Variants in CLDN14 observed in about 807,000 individuals in gnomAD.
CLDN14 encodes the protein claudin 14.
In CLDN14, 2 loss-of-function variants were observed where a neutral mutation model predicts 2.1. The observed-to-expected ratio is 0.96, with a 90% confidence interval of 0.39 to 3.01. The LOEUF (loss-of-function observed/expected upper bound fraction) is 3.01. CLDN14 is among the 30% of genes most tolerant of loss of function. The pLI, the probability that CLDN14 is intolerant of heterozygous loss-of-function variation, is 0.09. For synonymous variants in CLDN14, 136 were observed against 154.4 expected (o/e 0.88, Z 0.88); for missense variants, 298 against 328.0 (o/e 0.91, Z 0.71).
chr21:36,465,609 C>T (rs1425705216), intron 1 of CLDN14, among the ~76,000 whole-genome samples: 1 of 152,210 alleles, frequency 6.6e-6, no homozygotes, highest in African/African-American at 2.4e-5. Flanking sequence ...CTGGAAGCCA[C>T]ATAAAATTCC....
chr21:36,534,385 A>G (rs1329012157), intron 1 of CLDN14, among the ~76,000 whole-genome samples: 1 of 152,246 alleles, frequency 6.6e-6, no homozygotes, highest in African/African-American at 2.4e-5. Flanking sequence ...ATGGAAGCCC[A>G]GGACGATCCC....
chr21:36,540,549 G>A (rs932460392), intron 1 of CLDN14, among the ~76,000 whole-genome samples: 1 of 152,120 alleles, frequency 6.6e-6, no homozygotes, highest in Non-Finnish European at 1.5e-5. Context: ...TTGAACGCTG[G>A]GCAGCATGGC....
intron 2 of CLDN14, chr21:36,486,198 C>T (rs1362577928): frequency 2.0e-6 from 2 of 994,746 alleles, no homozygotes; most frequent in African/African-American, 1.6e-5. Context: ...GCATCAATGT[C>T]TACTGATTCC....
In CLDN14 at chr21:36,544,229, C is replaced by T. The variant is rs1194083765; in HGVS notation, c.-220+32182G>A. Among the ~76,000 whole-genome samples, 1 of 152,238 alleles carries T rather than the reference C, an allele frequency of 6.6e-6. No homozygotes were observed. Among genetic ancestry groups the T allele is most frequent in the East Asian group, 1.9e-4 (1 of 5,198 alleles). The stretch of plus-strand genomic sequence containing the variant: ...GGCAGGTCCTTGCCCTGGGCCCCCT[C>T]TGCTGCCATCCATCCCTCTCCCTGA... On this transcript the variant is annotated intron_variant, in intron 1 of 2. Transcript: ENST00000342108. The surrounding 1 kb of genome is among the most constrained non-coding windows in gnomAD (Gnocchi z 4.1).
At chr21:36,524,347 C>G (rs2087306202) in intron 1 of CLDN14, among the ~76,000 whole-genome samples, 1 of 152,168 alleles carries the variant, frequency 6.6e-6, no homozygotes, top group African/African-American at 2.4e-5. Context: ...GTCACAAACT[C>G]CAGGGCTCAA....
At position 36,513,122 on chromosome 21, in the gene CLDN14, T is replaced by C. The variant is rs1365079407; in HGVS notation, c.-219-2622A>G. 2.0e-5 allele frequency among the ~76,000 whole-genome samples: 3 copies of C among 152,202 alleles called. 1 individual carries two copies. Among genetic ancestry groups the C allele is most frequent in the South Asian group, 4.1e-4 (2 of 4,828 alleles). On this transcript the variant is annotated intron_variant, in intron 1 of 2. Transcript: ENST00000342108. ...AGATATCTGGAAAAACATAAAATCATGGTGGTCCCATCCCATCCCATCCCT... is the reference window on the plus strand; with the variant it reads ...AGATATCTGGAAAAACATAAAATCACGGTGGTCCCATCCCATCCCATCCCT...
At chr21:36,505,585 A>G (rs1007289698) in intron 2 of CLDN14, among the ~76,000 whole-genome samples, 2 of 152,210 alleles carry the variant, frequency 1.3e-5, no homozygotes, top group Non-Finnish European at 2.9e-5. Context: ...AGCTCACCAG[A>G]ACCTAACATT....
intron 1 of CLDN14, among the ~76,000 whole-genome samples, chr21:36,554,302 A>G (rs1012823922): frequency 6.6e-6 from 1 of 152,122 alleles, no homozygotes; most frequent in African/African-American, 2.4e-5. Context: ...TCATTCCTTC[A>G]AGGAACTTTG....
intron 1 of CLDN14, among the ~76,000 whole-genome samples, chr21:36,561,488 A>G (rs1053228933): frequency 6.6e-6 from 1 of 151,958 alleles, no homozygotes; most frequent in Non-Finnish European, 1.5e-5. Flanking sequence ...GGTTCCCGCC[A>G]TAGTGGGCCA....
intron 1 of CLDN14, among the ~76,000 whole-genome samples, chr21:36,539,808 G>C (rs545786591): frequency 1.9e-4 from 29 of 150,578 alleles, no homozygotes; most frequent in Non-Finnish European, 3.7e-4. Context: ...GTCTGCAGAT[G>C]AGTGTGTGCG....
rs910247459 is a variant in CLDN14 at position 36,544,369 on chromosome 21, C to T, written c.-220+32042G>A. On this transcript the variant is annotated intron_variant, in intron 1 of 2. Transcript: ENST00000342108. This position sits in a 1 kb window ranked among gnomAD's most constrained non-coding sequence, Gnocchi z 4.1. ...GCTGTCTGACATCCAGACCCCATCA[C>T]AGGGTAGGCCTGCTGGATTGTGGGT... is the stretch of plus-strand genomic sequence containing the variant. Among the ~76,000 whole-genome samples the T allele has an allele frequency of 1.3e-5, 2 of 152,248 alleles. No individual in the cohort carries two copies. The highest frequency in any genetic ancestry group is 2.9e-5 in the Non-Finnish European group (2 of 68,040).
At chr21:36,483,558 T>C (rs900706638), upstream of CLDN14, among the ~76,000 whole-genome samples, 14 of 152,322 alleles carry the variant, frequency 9.2e-5, no homozygotes, top group African/African-American at 2.9e-4. Flanking sequence ...AACCATGCGG[T>C]GAAGGAACCA....
chr21:36,482,351 TGGATG>T (rs2086853125), upstream of CLDN14, among the ~76,000 whole-genome samples: 1 of 147,650 alleles, frequency 6.8e-6, no homozygotes, highest in Non-Finnish European at 1.5e-5. Context: ...GATGGATGGA[TGGATG>T]GATGGATAGA....
At chr21:36,550,310 T>A (rs534120112) in intron 1 of CLDN14, among the ~76,000 whole-genome samples, 1 of 152,270 alleles carries the variant, frequency 6.6e-6, no homozygotes, top group Admixed American at 6.5e-5. Flanking sequence ...ATGCAGCGGG[T>A]CTTGGGAGGC....
intron 1 of CLDN14, among the ~76,000 whole-genome samples, chr21:36,477,037 A>T (rs1031801880): frequency 3.3e-5 from 5 of 152,214 alleles, no homozygotes; most frequent in African/African-American, 1.2e-4. Context: ...CCTGTAGGTT[A>T]CCTTTGCCTG....
At position 36,460,881 on chromosome 21, in the gene CLDN14, A is replaced by G; in HGVS notation, c.*95T>C. 1 of 1,457,508 alleles carries G rather than the reference A, an allele frequency of 6.9e-7. No individual in the cohort carries two copies. Among genetic ancestry groups the G allele is most frequent in the Non-Finnish European group, 9.4e-7 (1 of 1,066,856 alleles). 90.3% of individuals were successfully genotyped at this position (1,457,508 alleles called of 1,614,324 possible). ...ATTTCCTTGGATACAAAAATTGCCC[A>G]GAAGTAAACTTTGTGCTGGAACCCC... On this transcript the variant is annotated 3_prime_UTR_variant, in exon 2 of 2. Coordinates refer to ENST00000399135, the MANE Select transcript of CLDN14 (RefSeq NM_001146079.2). The surrounding 1 kb of genome is among the most constrained non-coding windows in gnomAD (Gnocchi z 4.0).
intron 1 of CLDN14, among the ~76,000 whole-genome samples, chr21:36,512,220 A>C (rs1156376098): frequency 6.6e-6 from 1 of 152,018 alleles, no homozygotes; most frequent in African/African-American, 2.4e-5. Context: ...GAGATTAACA[A>C]CTCTCCCATG....
At chr21:36,554,909 C>T (rs2087588190) in intron 1 of CLDN14, among the ~76,000 whole-genome samples, 5 of 152,202 alleles carry the variant, frequency 3.3e-5, no homozygotes, top group Non-Finnish European at 7.3e-5. Flanking sequence ...TCTAAAAGCT[C>T]CCCTGACACA....
rs914441362 is a variant in CLDN14 at position 36,562,418 on chromosome 21, A to G, written c.-220+13993T>C. ...ACATCCACTTTGTAATTCTGCACCCAGCTCATTCTTCAGCTAAGTACTAAG... is the reference window on the plus strand; with the variant it reads ...ACATCCACTTTGTAATTCTGCACCCGGCTCATTCTTCAGCTAAGTACTAAG... On this transcript the variant is annotated intron_variant, in intron 1 of 2. Transcript: ENST00000342108. Among the ~76,000 whole-genome samples, 3 of 152,206 alleles carry G rather than the reference A, an allele frequency of 2.0e-5. No homozygotes were observed. In the East Asian group the frequency reaches 5.8e-4, roughly 29 times the overall value.
Sources: allele counts gnomAD v4.1 joint callset (sites outside exome capture counted in the v4.1 genomes callset), GRCh38; gene constraint gnomAD v4.1.1; non-coding constraint Gnocchi (gnomAD v3.1); transcripts MANE v1.5; gene names NCBI Gene and HGNC (gene_info 2026-07-23, HGNC 2026-07-21).